Variants in UNC13C observed in about 807,000 individuals in gnomAD.
UNC13C encodes unc-13 homolog C.
A neutral mutation model predicts 245.4 loss-of-function variants in UNC13C; 174 were observed. The observed-to-expected ratio is 0.71, with a 90% confidence interval of 0.63 to 0.80. The LOEUF is 0.80. Ranked by LOEUF, UNC13C falls within the 30% of genes least tolerant of loss-of-function variation. The probability of loss-of-function intolerance (pLI) is 0.00; values close to 1 mark genes in which losing one functional copy is unlikely to be tolerated. For missense variants in UNC13C, 2,829 were observed against 2,602.9 expected (o/e 1.09, Z -1.89); for synonymous variants, 992 against 895.1 (o/e 1.11, Z -1.93).
At chr15:54,463,639 A>G (rs964936612) in intron 19 of UNC13C, among the ~76,000 whole-genome samples, 1 of 152,130 alleles carries the variant, frequency 6.6e-6, no homozygotes, top group Admixed American at 6.5e-5. Context: ...AGAAACTCCG[A>G]ACACATCCGA....
At chr15:54,585,743 C>A (rs1340043724) in intron 30 of UNC13C, among the ~76,000 whole-genome samples, 1 of 152,130 alleles carries the variant, frequency 6.6e-6, no homozygotes, top group Non-Finnish European at 1.5e-5. Context: ...AGGAAATCAG[C>A]TAAGAAATTG....
chr15:54,243,347 G>A (rs930528594), intron 7 of UNC13C, among the ~76,000 whole-genome samples: 1 of 152,046 alleles, frequency 6.6e-6, no homozygotes, highest in Non-Finnish European at 1.5e-5. Context: ...AGTATTTCAT[G>A]GTGTATATGT....
Position 54,237,673 on chromosome 15 carries a change from CTAAA to C in UNC13C, c.3215_3218del (p.Asn1072MetfsTer4), listed in dbSNP as rs2035739122. ...CCTGGCTATGGTGATTAGGACATCC[CTAAA>C]TAATGAGGAACTGGTAAGTACTAGA... On this transcript the variant is annotated frameshift_variant, in exon 7 of 33. Coordinates refer to ENST00000260323, the MANE Select transcript of UNC13C (RefSeq NM_001080534.3). LOFTEE classifies it high-confidence loss of function. The C allele has an allele frequency of 6.2e-7, 1 of 1,611,270 alleles. No homozygotes were observed. Among genetic ancestry groups the C allele is most frequent in the African/African-American group, 1.3e-5 (1 of 74,818 alleles).
rs193203823 is a variant in UNC13C, at chr15:54,028,069, G to A, written c.2983+12183G>A. 3.0e-4 allele frequency among the ~76,000 whole-genome samples: 45 copies of A among 152,236 alleles called. 1 individual carries two copies. Among genetic ancestry groups the A allele is most frequent in the East Asian group, 1.6e-3 (8 of 5,160 alleles). ...ACTGTACATAAACTAATAAATCCAG[G>A]TTAATAGTTGCAGCTGCCCATGGTT... is the stretch of plus-strand genomic sequence containing the variant. On this transcript the variant is annotated intron_variant, in intron 2 of 32. Coordinates refer to ENST00000260323, the MANE Select transcript of UNC13C (RefSeq NM_001080534.3).
Position 54,111,759 on chromosome 15 carries a change from T to C in UNC13C, c.2984-31259T>C, listed in dbSNP as rs183984625. 1.1e-4 allele frequency among the ~76,000 whole-genome samples: 17 copies of C among 152,252 alleles called. No individual in the cohort carries two copies. In the East Asian group the frequency reaches 3.3e-3, roughly 29 times the overall value. ...TGGAAAGCCTAAGAATTTTTTAGGG[T>C]AAGCAGGACCACTCCAAGGGGGCAG... On this transcript the variant is annotated intron_variant, in intron 2 of 32. Coordinates refer to ENST00000260323, the MANE Select transcript of UNC13C (RefSeq NM_001080534.3).
chr15:53,878,197 C>T, the UNC13C span, among the ~76,000 whole-genome samples: 10 of 152,218 alleles, frequency 6.6e-5, no homozygotes, highest in African/African-American at 2.4e-4. Context: ...TGGATGATAA[C>T]TGAAATTTGC....
chr15:54,603,796 G>T (rs1426791130), intron 30 of UNC13C, among the ~76,000 whole-genome samples: 4 of 152,168 alleles, frequency 2.6e-5, no homozygotes, highest in African/African-American at 4.8e-5. Context: ...ACGGGAGGCA[G>T]ATATTGCAGT....
At chr15:54,594,800 G>C (rs1054431215) in intron 30 of UNC13C, among the ~76,000 whole-genome samples, 2 of 152,210 alleles carry the variant, frequency 1.3e-5, no homozygotes, top group African/African-American at 2.4e-5. Flanking sequence ...GGGAAAGGAT[G>C]TTGGGGAAAC....
At chr15:53,916,311 G>A in the UNC13C span, among the ~76,000 whole-genome samples, 33 of 152,330 alleles carry the variant, frequency 2.2e-4, no homozygotes, top group Non-Finnish European at 3.7e-4. Context: ...AGTCCAACAT[G>A]ATCCATTTGA....
chr15:54,230,622 G>A (rs778630607), intron 4 of UNC13C, among the ~76,000 whole-genome samples: 1 of 151,902 alleles, frequency 6.6e-6, no homozygotes. Flanking sequence ...AAGGCACATA[G>A]CAATATACTG....
At chr15:54,180,557 G>C (rs2033763553) in intron 4 of UNC13C, among the ~76,000 whole-genome samples, 1 of 151,990 alleles carries the variant, frequency 6.6e-6, no homozygotes, top group African/African-American at 2.4e-5. Flanking sequence ...TCTGCTTTTA[G>C]CTATTTCAGA....
At chr15:54,590,170 C>T (rs1013608726) in intron 30 of UNC13C, among the ~76,000 whole-genome samples, 10 of 152,090 alleles carry the variant, frequency 6.6e-5, no homozygotes, top group Non-Finnish European at 1.2e-4. Context: ...ATACCAGTAC[C>T]ACTCTGTTTT....
intron 14 of UNC13C, among the ~76,000 whole-genome samples, chr15:54,329,341 A>G (rs997902993): frequency 2.6e-5 from 4 of 151,984 alleles, no homozygotes; most frequent in African/African-American, 4.8e-5. Flanking sequence ...ATTGTTAACT[A>G]TAGTTGCCCT....
intron 17 of UNC13C, 95 bp downstream of exon 17, chr15:54,338,584 ATT>A: frequency 7.2e-7 from 1 of 1,380,270 alleles, no homozygotes; most frequent in Non-Finnish European, 9.8e-7. Flanking sequence ...AAGTATGTTC[ATT>A]TAATTTCACA....
At chr15:54,018,135 C>A (rs919781387) in intron 2 of UNC13C, among the ~76,000 whole-genome samples, 1 of 152,154 alleles carries the variant, frequency 6.6e-6, no homozygotes, top group Non-Finnish European at 1.5e-5. Context: ...CAAAGAAGGA[C>A]ATTTTCCAGG....
In UNC13C at chr15:54,103,838, G is replaced by A. The variant is rs554278787; in HGVS notation, c.2984-39180G>A. Among the ~76,000 whole-genome samples, 4 of 152,216 alleles carry A rather than the reference G, an allele frequency of 2.6e-5. No homozygotes were observed. In the East Asian group the frequency reaches 5.8e-4, roughly 22 times the overall value. On this transcript the variant is annotated intron_variant, in intron 2 of 32. Coordinates refer to ENST00000260323, the MANE Select transcript of UNC13C (RefSeq NM_001080534.3). ...TGGCTCACTGCAACTCCACAGTCCC[G>A]GGGTCAAATGATTCTCCTGCCTCAG...
intron 8 of UNC13C, among the ~76,000 whole-genome samples, chr15:54,259,598 T>C (rs191339293): frequency 6.6e-6 from 1 of 152,352 alleles, no homozygotes; most frequent in East Asian, 1.9e-4. Flanking sequence ...GTGGGAATTA[T>C]GGGAGCTACA....
chr15:54,158,819 TA>T (rs999386467), intron 4 of UNC13C, among the ~76,000 whole-genome samples: 14 of 150,710 alleles, frequency 9.3e-5, no homozygotes, highest in Non-Finnish European at 1.6e-4. Flanking sequence ...CCAGCTAATT[TA>T]AAAAAAAAAT....
the UNC13C span, among the ~76,000 whole-genome samples, chr15:53,939,885 C>G: frequency 6.6e-6 from 1 of 152,152 alleles, no homozygotes; most frequent in African/African-American, 2.4e-5. Flanking sequence ...CCATTACAGA[C>G]AGAGGAGACA....
Sources: allele counts gnomAD v4.1 joint callset (sites outside exome capture counted in the v4.1 genomes callset), GRCh38; gene constraint gnomAD v4.1.1; transcripts MANE v1.5; gene names NCBI Gene and HGNC (gene_info 2026-07-23, HGNC 2026-07-21).